ASTN2: variants seen among roughly 807,000 people sequenced by gnomAD.
The protein encoded by ASTN2 is astrotactin-2.
Under a neutral mutation model 139.8 loss-of-function variants are expected in ASTN2, and 54 were observed. The observed-to-expected ratio is 0.39, with a 90% CI of 0.31 to 0.48. The LOEUF (loss-of-function observed/expected upper bound fraction) is 0.48. Among genes scored for constraint, ASTN2 ranks in the 20% least tolerant of loss-of-function variants. The pLI is 0.95. For synonymous variants in ASTN2, 756 were observed against 719.5 expected, an observed-to-expected ratio of 1.05 and a Z score of -0.81; for missense variants, 1,565 against 1,725.1, an observed-to-expected ratio of 0.91 and a Z score of 1.64.
chr9:116,856,268 T>A (rs1832737829), intron 11 of ASTN2, among the ~76,000 whole-genome samples: 1 of 152,220 alleles, frequency 6.6e-6, no homozygotes, highest in African/African-American at 2.4e-5. Context: ...TCTACAGGGA[T>A]AAATTTAGCT....
intron 2 of ASTN2, among the ~76,000 whole-genome samples, chr9:117,223,185 A>C (rs1028189397): frequency 2.6e-5 from 4 of 152,164 alleles, no homozygotes; most frequent in African/African-American, 9.7e-5. Flanking sequence ...CAGGGATACC[A>C]TTGAGGTAGA....
At chr9:116,726,076 G>T in intron 15 of ASTN2, 126 bp from the exon 16 acceptor site, 1 of 815,186 alleles carries the variant, frequency 1.2e-6, no homozygotes, top group Non-Finnish European at 1.9e-6. Flanking sequence ...GTGGCAGCTT[G>T]GTGGCTGCAC....
At chr9:116,976,256 A>T in intron 8 of ASTN2, 68 bp from the exon 9 acceptor site, 2 of 1,315,584 alleles carry the variant, frequency 1.5e-6, no homozygotes, top group South Asian at 2.4e-5. Context: ...ACATGTGGAC[A>T]CTGCTCTAGA....
At chr9:117,229,636 G>A (rs1003268246) in intron 2 of ASTN2, among the ~76,000 whole-genome samples, 1 of 152,212 alleles carries the variant, frequency 6.6e-6, no homozygotes, top group Non-Finnish European at 1.5e-5. Context: ...ATTAGATGAA[G>A]ATGAACTTAA....
intron 4 of ASTN2, among the ~76,000 whole-genome samples, chr9:117,100,191 C>T (rs544284679): frequency 6.6e-6 from 1 of 152,168 alleles, no homozygotes. Context: ...TGACCACACC[C>T]CTATAACTAC....
chr9:117,262,840 A>G (rs535144253), intron 2 of ASTN2, among the ~76,000 whole-genome samples: 14 of 152,156 alleles, frequency 9.2e-5, no homozygotes, highest in African/African-American at 3.4e-4. Flanking sequence ...AGAAGGTGGG[A>G]GTGTTGTGGT....
chr9:116,469,004 T>G (rs755800101), intron 20 of ASTN2, among the ~76,000 whole-genome samples: 3 of 152,180 alleles, frequency 2.0e-5, no homozygotes, highest in African/African-American at 7.2e-5. Context: ...TCATCCTTTC[T>G]AGGCAGCTTT....
At chr9:116,478,993 A>G (rs1002391343) in intron 20 of ASTN2, among the ~76,000 whole-genome samples, 1 of 17,382 alleles carries the variant, frequency 5.8e-5, no homozygotes, top group Non-Finnish European at 2.1e-4. Context: ...CTGTGCCTCA[A>G]AAAAAAAAAA....
chr9:116,511,695 T>C (rs1379953633), intron 19 of ASTN2, among the ~76,000 whole-genome samples: 1 of 152,194 alleles, frequency 6.6e-6, no homozygotes, highest in Non-Finnish European at 1.5e-5. Context: ...GTGATTGGTC[T>C]ATTCAGAGAT....
At chr9:117,263,183 C>A (rs1404688103) in intron 2 of ASTN2, among the ~76,000 whole-genome samples, 1 of 152,088 alleles carries the variant, frequency 6.6e-6, no homozygotes, top group Non-Finnish European at 1.5e-5. Flanking sequence ...ATAAGAAGGA[C>A]TCCTTTTTTT....
chr9:116,598,953 G>C (rs1245803960), intron 19 of ASTN2, among the ~76,000 whole-genome samples: 1 of 152,190 alleles, frequency 6.6e-6, no homozygotes, highest in Non-Finnish European at 1.5e-5. Context: ...CTAAATAATG[G>C]CGAATGGCAG....
At chr9:116,648,278 G>A (rs1461229553) in intron 17 of ASTN2, among the ~76,000 whole-genome samples, 2 of 152,118 alleles carry the variant, frequency 1.3e-5, no homozygotes, top group Non-Finnish European at 2.9e-5. Flanking sequence ...AAGATTACAG[G>A]TGTGAGTCAC....
At chr9:117,129,065 G>A (rs545350076) in intron 4 of ASTN2, among the ~76,000 whole-genome samples, 2 of 152,278 alleles carry the variant, frequency 1.3e-5, no homozygotes, top group South Asian at 2.1e-4. Context: ...GAGCCAAAAC[G>A]TATCAGGCAG....
intron 6 of ASTN2, among the ~76,000 whole-genome samples, chr9:117,018,811 A>AT (rs1003075830): frequency 1.2e-3 from 181 of 151,734 alleles, no homozygotes; most frequent in Middle Eastern, 3.4e-3. Context: ...GGAAAATGGG[A>AT]TTTTTTTTTA....
At chr9:116,722,172 G>A (rs541665845) in intron 16 of ASTN2, among the ~76,000 whole-genome samples, 1 of 152,196 alleles carries the variant, frequency 6.6e-6, no homozygotes, top group South Asian at 2.1e-4. Flanking sequence ...TGAAATATTG[G>A]GATACTAAGG....
rs536490168 is a variant in ASTN2 at position 116,464,079 on chromosome 9, C to T, written c.3498-21526G>A. On this transcript the variant is annotated intron_variant, in intron 20 of 22. Transcript: ENST00000313400. ...GTCTCTATATAGCCAGAATCTGACACATAGCAGAGGAGTATTAAAGATATG... is the reference window on the plus strand; with the variant it reads ...GTCTCTATATAGCCAGAATCTGACATATAGCAGAGGAGTATTAAAGATATG... Among the ~76,000 whole-genome samples the T allele has an allele frequency of 2.0e-5, 3 of 152,020 alleles. No homozygotes were observed. In the South Asian group the frequency reaches 6.3e-4, roughly 32 times the overall value.
intron 19 of ASTN2, among the ~76,000 whole-genome samples, chr9:116,599,699 G>A (rs1309485987): frequency 1.3e-5 from 2 of 152,188 alleles, no homozygotes; most frequent in African/African-American, 4.8e-5. Flanking sequence ...GGTGCCCCTA[G>A]TGGGGAGAAA....
intron 3 of ASTN2, among the ~76,000 whole-genome samples, chr9:117,181,664 GT>G (rs1431355410): frequency 6.6e-6 from 1 of 152,162 alleles, no homozygotes; most frequent in Non-Finnish European, 1.5e-5. Flanking sequence ...AGCAGGTCCT[GT>G]TTTGCCTGGT....
intron 1 of ASTN2, among the ~76,000 whole-genome samples, chr9:117,394,476 T>A (rs764685900): frequency 1.3e-5 from 2 of 152,172 alleles, no homozygotes; most frequent in African/African-American, 4.8e-5. Context: ...GACATCAATA[T>A]ATCAATATAA....
Sources: gnomAD v4.1 joint callset for allele counts (sites outside exome capture counted in the v4.1 genomes callset) on GRCh38, gnomAD v4.1.1 for gene constraint, MANE v1.5 for transcripts, NCBI Gene and HGNC (gene_info 2026-07-23, HGNC 2026-07-21) for gene names.